USP48: variants seen among roughly 807,000 people sequenced by gnomAD.
USP48 encodes ubiquitin specific peptidase 48.
USP48 carries 43 observed loss-of-function variants against 150.7 expected under a neutral mutation model. The observed-to-expected ratio is 0.29, with a 90% CI of 0.22 to 0.37. The LOEUF (loss-of-function observed/expected upper bound fraction) is 0.37. Ranked by LOEUF, USP48 falls within the 10% of genes least tolerant of loss-of-function variation. The probability of loss-of-function intolerance (pLI) is 1.00; values close to 1 mark genes in which losing one functional copy is unlikely to be tolerated. For synonymous variants in USP48, 396 were observed against 425.9 expected (o/e 0.93, Z 0.86); for missense variants, 813 against 1,249.6 (o/e 0.65, Z 5.27).
chr1:21,680,883 A>G, intron 25 of USP48, 49 bp from the exon 26 acceptor site: 2 of 1,448,476 alleles, frequency 1.4e-6, no homozygotes, highest in South Asian at 2.5e-5. Context: ...GATTGTCGTG[A>G]CAGACAGTAA....
At position 21,701,588 on chromosome 1, in the gene USP48, C is replaced by T. The variant is rs755415114; in HGVS notation, c.2637G>A (p.Ser879=). 8 of 1,613,540 alleles carry T rather than the reference C, an allele frequency of 5.0e-6. No individual in the cohort carries two copies. Among genetic ancestry groups the T allele is most frequent in the Middle Eastern group, 1.6e-4 (1 of 6,084 alleles). ...VVDNKKVMKD[S]APELNVSSSE... ...AACTACTCACATTCAGTTCCGGAGCCGAATCCTTCATCACCTGAATGTGCC... is the reference window on the plus strand; with the variant it reads ...AACTACTCACATTCAGTTCCGGAGCTGAATCCTTCATCACCTGAATGTGCC... Residue 879 remains serine (S), a synonymous_variant, in exon 22 of 27, where the codon TCG becomes TCA. Coordinates refer to ENST00000308271, the MANE Select transcript of USP48 (RefSeq NM_032236.8).
chr1:21,781,811 C>T (rs182866407), intron 1 of USP48: 26 of 152,334 alleles, frequency 1.7e-4, no homozygotes, highest in African/African-American at 6.0e-4. Flanking sequence ...CTGACTGAAG[C>T]TTGATTATTT....
chr1:21,773,567 C>T (rs111961911), intron 1 of USP48, among the ~76,000 whole-genome samples: 14 of 152,250 alleles, frequency 9.2e-5, no homozygotes, highest in African/African-American at 3.4e-4. Flanking sequence ...AAATAAGATG[C>T]TATTTTTCGC....
At chr1:21,693,867 C>A (rs562045017) in intron 23 of USP48, among the ~76,000 whole-genome samples, 3 of 152,306 alleles carry the variant, frequency 2.0e-5, no homozygotes, top group Admixed American at 6.5e-5. Flanking sequence ...ACATAACACC[C>A]TCAAAGGAAG....
intron 14 of USP48, among the ~76,000 whole-genome samples, chr1:21,718,785 T>C (rs934871575): frequency 6.6e-6 from 1 of 151,974 alleles, no homozygotes; most frequent in Non-Finnish European, 1.5e-5. Flanking sequence ...CTCGAACTTG[T>C]GACCTTGTGA....
intron 1 of USP48, among the ~76,000 whole-genome samples, chr1:21,758,295 A>G (rs574134619): frequency 1.3e-5 from 2 of 152,288 alleles, no homozygotes; most frequent in East Asian, 1.9e-4. Context: ...AAGTAAAAAA[A>G]GCAAAATGCA....
At chr1:21,723,238 G>A (rs1180315345) in intron 12 of USP48, among the ~76,000 whole-genome samples, 1 of 152,120 alleles carries the variant, frequency 6.6e-6, no homozygotes, top group African/African-American at 2.4e-5. Context: ...ACCATAGCTG[G>A]GCGGGTGTGG....
intron 1 of USP48, 26 bp downstream of exon 1, chr1:21,782,785 GGCGCGAGGAGCCC>G (rs998974809): frequency 6.7e-7 from 1 of 1,499,372 alleles, no homozygotes; most frequent in Non-Finnish European, 8.9e-7. Context: ...TCCAAGGTCC[GGCGCGAGGAGCCC>G]GCGAGGCGCG....
chr1:21,753,226 C>A, intron 3 of USP48, 107 bp from the exon 4 acceptor site: 3 of 1,158,742 alleles, frequency 2.6e-6, no homozygotes, highest in Non-Finnish European at 3.6e-6. Context: ...TACATCCAAA[C>A]TAGATTAATA....
chr1:21,763,876 C>T (rs140450427), intron 1 of USP48, among the ~76,000 whole-genome samples: 347 of 152,198 alleles, frequency 2.3e-3, no homozygotes, highest in African/African-American at 7.8e-3. Flanking sequence ...CAGGCAGACA[C>T]AAATCACAGT....
At chr1:21,701,414 A>T in intron 22 of USP48, 84 bp downstream of exon 22, 1 of 1,118,024 alleles carries the variant, frequency 8.9e-7, no homozygotes, top group Non-Finnish European at 1.4e-6. Context: ...CATACAGGGT[A>T]CAGAGACATG....
chr1:21,732,587 T>C (rs911295127), intron 9 of USP48: 3 of 215,614 alleles, frequency 1.4e-5, no homozygotes, highest in Middle Eastern at 6.3e-4. Context: ...TGTAGTAATA[T>C]TCATAATTTT....
intron 1 of USP48, among the ~76,000 whole-genome samples, chr1:21,778,372 G>A (rs1217236454): frequency 6.6e-6 from 1 of 151,974 alleles, no homozygotes; most frequent in Admixed American, 6.6e-5. Flanking sequence ...AAGAAAAAAG[G>A]CAGTAACAAG....
intron 25 of USP48, among the ~76,000 whole-genome samples, chr1:21,683,136 C>T (rs192254069): frequency 6.6e-6 from 1 of 152,222 alleles, no homozygotes; most frequent in Non-Finnish European, 1.5e-5. Flanking sequence ...TGTTGCATGC[C>T]TATAGTCCCA....
rs765841931 is a variant in USP48, at chr1:21,704,317, C to A, written c.2460G>T (p.Thr820=). ...GGTTTACATCTCCCACTTCAATTCT[C>A]GTGATTTTAATTACATGATCCACAA... is the stretch of plus-strand genomic sequence containing the variant. ...LFVVDHVIKI[T]RIEVGDVNPS... is the part of the protein sequence containing the mutation. Residue 820 remains threonine (T), a synonymous_variant, in exon 20 of 27, where the codon ACG becomes ACT. Coordinates refer to ENST00000308271, the MANE Select transcript of USP48 (RefSeq NM_032236.8). 2.4e-5 allele frequency: 39 copies of A among 1,613,604 alleles called. No individual in the cohort carries two copies. Among genetic ancestry groups the A allele is most frequent in the Non-Finnish European group, 3.1e-5 (36 of 1,179,930 alleles).
chr1:21,729,230 T>G (rs1338649058), intron 10 of USP48, among the ~76,000 whole-genome samples: 1 of 148,630 alleles, frequency 6.7e-6, no homozygotes, highest in Non-Finnish European at 1.5e-5. Context: ...TGCAGTGAGC[T>G]GAGACTGCAC....
chr1:21,725,380 G>A (rs4654981), intron 11 of USP48, among the ~76,000 whole-genome samples: 111,282 of 152,142 alleles, frequency 0.73, 41,223 homozygotes, highest in Admixed American at 0.81. Flanking sequence ...GATAAGCTAT[G>A]TGAAGCATTT....
chr1:21,748,225 T>C lies in USP48; in HGVS notation c.821A>G (p.Gln274Arg). ...CTTTCTTGTTGCATTCTGTTTGCTT[T>C]GACAGTTCTCGCAAAAATAGCGATT... ...GDNRYFCENC[Q>R]SKQNATRKIR... is the part of the protein sequence containing the mutation. The change falls in exon 7 of 27, where the codon CAA becomes CGA. Residue 274 changes from glutamine to arginine, a missense_variant. Coordinates refer to ENST00000308271, the MANE Select transcript of USP48 (RefSeq NM_032236.8). 6.2e-7 allele frequency: 1 copy of C among 1,614,018 alleles called. No homozygotes were observed. The highest frequency in any genetic ancestry group is 8.5e-7 in the Non-Finnish European group (1 of 1,179,986).
chr1:21,748,095 A>T, intron 7 of USP48, 43 bp downstream of exon 7: 6 of 1,592,526 alleles, frequency 3.8e-6, no homozygotes, highest in Non-Finnish European at 5.1e-6. Flanking sequence ...TGTACATAGT[A>T]GACCACAATG....
Sources: gnomAD v4.1 joint callset for allele counts (sites outside exome capture counted in the v4.1 genomes callset) on GRCh38, gnomAD v4.1.1 for gene constraint, MANE v1.5 for transcripts, NCBI Gene and HGNC (gene_info 2026-07-23, HGNC 2026-07-21) for gene names.